ZNF431: variants seen among roughly 807,000 people sequenced by gnomAD.
ZNF431 encodes the protein zinc finger protein 431.
ZNF431 carries 34 observed loss-of-function variants against 57.0 expected under a neutral mutation model. The ratio of observed to expected loss-of-function variants is 0.60; its 90% CI spans 0.45 to 0.79. ZNF431 has a LOEUF of 0.79. ZNF431 is among the 30% of genes least tolerant of loss of function. The pLI, the probability that ZNF431 is intolerant of heterozygous loss-of-function variation, is 0.00. For missense variants in ZNF431, 607 were observed against 667.1 expected (o/e 0.91, Z 0.99); for synonymous variants, 207 against 220.3 (o/e 0.94, Z 0.54).
At position 21,195,789 on chromosome 19, in the gene ZNF431, C is replaced by A. The variant is rs1335806928; in HGVS notation, c.*11755C>A. On this transcript the variant is annotated 3_prime_UTR_variant, in exon 5 of 5. Coordinates refer to ENST00000311048, the MANE Select transcript of ZNF431 (RefSeq NM_133473.4). ...TCTTGCAGATTTAAATATTTTATTG[C>A]AGTGTAAAGTTTAATATTTAGATGT... 1 of 152,044 alleles carries A rather than the reference C, an allele frequency of 6.6e-6. No individual in the cohort carries two copies. Among genetic ancestry groups the A allele is most frequent in the African/African-American group, 2.4e-5 (1 of 41,372 alleles). The allele number at this position is 152,044 out of a possible 1,614,324, so 9.4% of individuals were successfully genotyped here.
rs755472025 is a variant in ZNF431, at chr19:21,166,324, G to T, written c.97-11G>T. 6.2e-7 allele frequency: 1 copy of T among 1,611,656 alleles called. No homozygotes were observed. Among genetic ancestry groups the T allele is most frequent in the South Asian group, 1.1e-5 (1 of 90,604 alleles). On this transcript the variant is annotated splice_polypyrimidine_tract_variant and intron_variant, in intron 2 of 4. Coordinates refer to ENST00000311048, the MANE Select transcript of ZNF431 (RefSeq NM_133473.4). Reference sequence around the variant, plus strand: ...TAAATATATGTGTGTCTCTGTGCTTGTGTTTTTCAGGAGACATTGACATTT... The same window carrying T: ...TAAATATATGTGTGTCTCTGTGCTTTTGTTTTTCAGGAGACATTGACATTT...
intron 2 of ZNF431, among the ~76,000 whole-genome samples, chr19:21,153,777 C>T (rs577320347): frequency 8.4e-4 from 128 of 152,174 alleles, no homozygotes; most frequent in African/African-American, 2.9e-3. Flanking sequence ...AGTGCAGTGC[C>T]GTGATCTTGG....
rs1971368188 is a variant in ZNF431 at position 21,186,054 on chromosome 19, G to C, written c.*2020G>C. The C allele has an allele frequency of 6.6e-6, 1 of 152,130 alleles. No homozygotes were observed. 9.4% of individuals were successfully genotyped at this position (152,130 alleles called of 1,614,324 possible). ...CCCAGCACTTTGACAGGCTGAGCGA[G>C]GGAGTGGATCTTGAGGTCAGCAGTT... On this transcript the variant is annotated 3_prime_UTR_variant, in exon 5 of 5. Transcript: ENST00000311048.
At chr19:21,149,993 TTC>T in intron 2 of ZNF431, 1 of 588,194 alleles carries the variant, frequency 1.7e-6, no homozygotes, top group South Asian at 1.7e-5. Flanking sequence ...CAGCTGAACT[TTC>T]TTTTTCTCCA....
At position 21,166,392 on chromosome 19, in the gene ZNF431, C is replaced by G; in HGVS notation, c.154C>G (p.Leu52Val). The G allele has an allele frequency of 6.2e-7, 1 of 1,611,992 alleles. No homozygotes were observed. Among genetic ancestry groups the G allele is most frequent in the South Asian group, 1.1e-5 (1 of 90,526 alleles). ...IEFSLEEWEC[L>V]NPAQQNLYMN... ...ATTCTCTCTGGAGGAGTGGGAATGC[C>G]TGAACCCTGCTCAGCAGAATTTATA... Residue 52 changes from leucine to valine, a missense_variant, in exon 3 of 5, where the codon CTG (leucine) becomes GTG (valine). Transcript: ENST00000311048.
chr19:21,179,152 C>T (rs921514470), intron 4 of ZNF431, among the ~76,000 whole-genome samples: 1 of 152,142 alleles, frequency 6.6e-6, no homozygotes, highest in African/African-American at 2.4e-5. Context: ...AGTTTATGTG[C>T]ACAGAGGTGT....
intron 4 of ZNF431, among the ~76,000 whole-genome samples, chr19:21,171,922 G>A (rs76267760): frequency 3.3e-5 from 5 of 150,140 alleles, no homozygotes; most frequent in African/African-American, 4.9e-5. Flanking sequence ...GGATTTCACC[G>A]TGTTAGCCAG....
Position 21,184,154 on chromosome 19 carries a change from A to G in ZNF431, c.*120A>G. 2.4e-6 allele frequency: 2 copies of G among 830,128 alleles called. No individual in the cohort carries two copies. The highest frequency in any genetic ancestry group is 3.7e-6 in the Non-Finnish European group (2 of 543,734). 51.4% of individuals were successfully genotyped at this position (830,128 alleles called of 1,614,324 possible). On this transcript the variant is annotated 3_prime_UTR_variant, in exon 5 of 5. Transcript: ENST00000311048. ...ATCACAAGGTCAAGAGATCGAGACCATCCTGGCCAACATGGTGAAACCCTG... is the reference window on the plus strand; with the variant it reads ...ATCACAAGGTCAAGAGATCGAGACCGTCCTGGCCAACATGGTGAAACCCTG...
intron 2 of ZNF431, among the ~76,000 whole-genome samples, chr19:21,156,653 T>C (rs1439667685): frequency 1.3e-5 from 2 of 151,732 alleles, no homozygotes; most frequent in South Asian, 2.1e-4. Context: ...CTAAGGATAA[T>C]GGTCTCCAGC....
rs1970512091 is a variant in ZNF431, at chr19:21,159,422, G to C, written c.97-6913G>C. 2.0e-5 allele frequency among the ~76,000 whole-genome samples: 3 copies of C among 152,040 alleles called. No homozygotes were observed. The South Asian group carries it at 6.2e-4, about 32-fold the overall frequency. The stretch of plus-strand genomic sequence containing the variant: ...GGAGTCTCACTCTGTTGCCAGGCTG[G>C]AGTGCAGTGGCGCGATCTTGGCTTA... On this transcript the variant is annotated intron_variant, in intron 2 of 4. Coordinates refer to ENST00000311048, the MANE Select transcript of ZNF431 (RefSeq NM_133473.4).
intron 4 of ZNF431, among the ~76,000 whole-genome samples, chr19:21,182,414 G>A (rs1971231668): frequency 6.6e-6 from 1 of 152,118 alleles, no homozygotes; most frequent in African/African-American, 2.4e-5. Flanking sequence ...CTCACCTGGG[G>A]AACTTTACAC....
At chr19:21,164,615 G>T (rs954266117) in intron 2 of ZNF431, among the ~76,000 whole-genome samples, 1 of 152,040 alleles carries the variant, frequency 6.6e-6, no homozygotes, top group Non-Finnish European at 1.5e-5. Flanking sequence ...ATCTGAAAAG[G>T]ATTTCCAGAG....
chr19:21,159,269 G>A (rs1159228607), intron 2 of ZNF431, among the ~76,000 whole-genome samples: 1 of 152,046 alleles, frequency 6.6e-6, no homozygotes, highest in Non-Finnish European at 1.5e-5. Flanking sequence ...TTGGACTGAA[G>A]TTTTCTATTT....
chr19:21,174,357 A>G (rs1178674873), intron 4 of ZNF431, among the ~76,000 whole-genome samples: 2 of 152,098 alleles, frequency 1.3e-5, no homozygotes, highest in African/African-American at 2.4e-5. Context: ...TTATGTTGCT[A>G]TGTATTTCTT....
At chr19:21,171,913 G>T (rs1970905550) in intron 4 of ZNF431, among the ~76,000 whole-genome samples, 1 of 150,318 alleles carries the variant, frequency 6.7e-6, no homozygotes, top group Non-Finnish European at 1.5e-5. Flanking sequence ...GTAGAGATGG[G>T]ATTTCACCGT....
Position 21,190,994 on chromosome 19 carries a change from T to TA in ZNF431, c.*6961dup, listed in dbSNP as rs1971499785. The TA allele has an allele frequency of 6.6e-6, 1 of 152,146 alleles. No individual in the cohort carries two copies. The highest frequency in any genetic ancestry group is 6.6e-5 in the Admixed American group (1 of 15,262). The allele number at this position is 152,146 out of a possible 1,614,324, so 9.4% of individuals were successfully genotyped here. A position where few individuals can be genotyped will look rare whatever the true frequency, so the allele number is the denominator to read the frequency against. ...AATTTTTTATTGTTGTCATTTTAAA[T>TA]ACACTTTTGATATTAACCTCTTGTC... On this transcript the variant is annotated 3_prime_UTR_variant, in exon 5 of 5. Coordinates refer to ENST00000311048, the MANE Select transcript of ZNF431 (RefSeq NM_133473.4).
At position 21,174,243 on chromosome 19, in the gene ZNF431, A is replaced by T. The variant is rs192415063; in HGVS notation, c.319+6577A>T. Among the ~76,000 whole-genome samples the T allele has an allele frequency of 7.9e-5, 12 of 152,264 alleles. No homozygotes were observed. In the East Asian group the frequency reaches 9.6e-4, roughly 12 times the overall value. On this transcript the variant is annotated intron_variant, in intron 4 of 4. Transcript: ENST00000311048. ...AAGTTACACACTCAGGTATTCCTCT[A>T]TATGCAAAATAGTTAATACAGTCTA... is the stretch of plus-strand genomic sequence containing the variant.
chr19:21,192,135 GC>G lies in ZNF431; in HGVS notation c.*8102del, dbSNP rs1971522166. On this transcript the variant is annotated 3_prime_UTR_variant, in exon 5 of 5. Coordinates refer to ENST00000311048, the MANE Select transcript of ZNF431 (RefSeq NM_133473.4). ...AGAAATGCTGTGACTTTTTGATGGT[GC>G]TTTTGTATTTTGAAAGTTTAATAAA... 1 of 151,990 alleles carries G rather than the reference GC, an allele frequency of 6.6e-6. No homozygotes were observed. Among genetic ancestry groups the G allele is most frequent in the South Asian group, 2.1e-4 (1 of 4,824 alleles). 9.4% of individuals were successfully genotyped at this position (151,990 alleles called of 1,614,324 possible).
intron 2 of ZNF431, among the ~76,000 whole-genome samples, chr19:21,156,546 C>G (rs1970421583): frequency 6.6e-6 from 1 of 152,004 alleles, no homozygotes; most frequent in African/African-American, 2.4e-5. Context: ...TCAACTAGGC[C>G]TCAGTGTCTG....
Sources: allele counts gnomAD v4.1 joint callset (sites outside exome capture counted in the v4.1 genomes callset), GRCh38; gene constraint gnomAD v4.1.1; transcripts MANE v1.5; gene names NCBI Gene and HGNC (gene_info 2026-07-23, HGNC 2026-07-21).